GRM7: variants seen among roughly 807,000 people sequenced by gnomAD.
GRM7 encodes the protein metabotropic glutamate receptor 7.
In GRM7, 35 loss-of-function variants were observed where a neutral mutation model predicts 84.5. The ratio of observed to expected loss-of-function variants is 0.41; its 90% confidence interval spans 0.32 to 0.55. The LOEUF is 0.55. Ranked by LOEUF, GRM7 falls within the 20% of genes least tolerant of loss-of-function variation. The probability of loss-of-function intolerance (pLI) is 0.19; values close to 1 mark genes in which losing one functional copy is unlikely to be tolerated. For synonymous variants in GRM7, 487 were observed against 455.1 expected, an observed-to-expected ratio of 1.07 and a Z score of -0.89; for missense variants, 1,003 against 1,194.6, an observed-to-expected ratio of 0.84 and a Z score of 2.36.
At chr3:7,457,436 C>T (rs766569226) in intron 6 of GRM7, among the ~76,000 whole-genome samples, 5 of 152,086 alleles carry the variant, frequency 3.3e-5, no homozygotes, top group Non-Finnish European at 5.9e-5. Flanking sequence ...GTTGGCCCAT[C>T]AAATATAAAT....
At chr3:7,678,599 C>T (rs898237569) in intron 8 of GRM7, among the ~76,000 whole-genome samples, 11 of 152,310 alleles carry the variant, frequency 7.2e-5, no homozygotes, top group Admixed American at 1.3e-4. Context: ...AACTAATTTA[C>T]ACTTTAAAGA....
chr3:7,450,474 C>T (rs1697720266), intron 5 of GRM7, among the ~76,000 whole-genome samples: 1 of 152,120 alleles, frequency 6.6e-6, no homozygotes, highest in African/African-American at 2.4e-5. Flanking sequence ...AAAACACATA[C>T]AGGCATATGC....
chr3:7,182,391 A>T (rs907574200), intron 2 of GRM7, among the ~76,000 whole-genome samples: 1 of 152,140 alleles, frequency 6.6e-6, no homozygotes, highest in Non-Finnish European at 1.5e-5. Flanking sequence ...TATCTTATGG[A>T]TATTTTTAAA....
intron 1 of GRM7, among the ~76,000 whole-genome samples, chr3:7,036,984 G>A (rs181820207): frequency 1.3e-5 from 2 of 152,086 alleles, no homozygotes; most frequent in South Asian, 2.1e-4. Context: ...ATGGATCAGC[G>A]GTCTGCCTTG....
intron 2 of GRM7, among the ~76,000 whole-genome samples, chr3:7,265,221 G>T (rs541130460): frequency 6.6e-6 from 1 of 152,144 alleles, no homozygotes. Context: ...GACATATTTG[G>T]AATGGAAACC....
chr3:7,017,711 G>C (rs1695625826), intron 1 of GRM7, among the ~76,000 whole-genome samples: 1 of 152,118 alleles, frequency 6.6e-6, no homozygotes, highest in Admixed American at 6.5e-5. Flanking sequence ...ATGGTACGCA[G>C]TGAAGCCCCA....
chr3:6,897,573 G>C (rs1346031380), intron 1 of GRM7, among the ~76,000 whole-genome samples: 1 of 152,160 alleles, frequency 6.6e-6, no homozygotes, highest in African/African-American at 2.4e-5. Context: ...CATTAGATTA[G>C]TGCATTCAGG....
intron 1 of GRM7, among the ~76,000 whole-genome samples, chr3:7,124,081 G>T (rs1413413312): frequency 6.6e-6 from 1 of 151,862 alleles, no homozygotes; most frequent in Non-Finnish European, 1.5e-5. Flanking sequence ...CTTAGACTTT[G>T]GTGTGATCCA....
chr3:7,652,133 A>AATAGT (rs1387265114), intron 8 of GRM7, among the ~76,000 whole-genome samples: 1 of 152,218 alleles, frequency 6.6e-6, no homozygotes, highest in Non-Finnish European at 1.5e-5. Context: ...GCTTGTTCTG[A>AATAGT]ATAGTATACA....
At chr3:7,691,235 C>A in intron 9 of GRM7, 1 of 1,282,398 alleles carries the variant, frequency 7.8e-7, no homozygotes, top group Non-Finnish European at 1.0e-6. Context: ...TCAGCTTGCA[C>A]AAAGAGGATT....
chr3:7,523,790 T>C (rs1341479369), intron 7 of GRM7, among the ~76,000 whole-genome samples: 1 of 151,938 alleles, frequency 6.6e-6, no homozygotes, highest in Non-Finnish European at 1.5e-5. Flanking sequence ...CGGGATATAG[T>C]GGGGATTAAG....
At chr3:7,461,367 A>G (rs1698238756) in intron 6 of GRM7, among the ~76,000 whole-genome samples, 1 of 152,176 alleles carries the variant, frequency 6.6e-6, no homozygotes, top group African/African-American at 2.4e-5. Context: ...ACTATTCAAA[A>G]GGGGAAGTAG....
At chr3:7,293,368 T>C (rs2125013846) in intron 2 of GRM7, among the ~76,000 whole-genome samples, 1 of 152,302 alleles carries the variant, frequency 6.6e-6, no homozygotes, top group Non-Finnish European at 1.5e-5. Flanking sequence ...GATTGATTTC[T>C]GGGACTCTGA....
chr3:7,308,112 C>T (rs1700258929), intron 4 of GRM7, among the ~76,000 whole-genome samples: 1 of 152,200 alleles, frequency 6.6e-6, no homozygotes, highest in Admixed American at 6.5e-5. Flanking sequence ...CATTCTGCAG[C>T]ACTGTCCTGC....
At chr3:6,902,048 C>G (rs897368597) in intron 1 of GRM7, among the ~76,000 whole-genome samples, 1 of 151,938 alleles carries the variant, frequency 6.6e-6, no homozygotes, top group Non-Finnish European at 1.5e-5. Flanking sequence ...GAGAAAAAAA[C>G]CTAATTTTTA....
intron 2 of GRM7, among the ~76,000 whole-genome samples, chr3:7,152,833 C>T (rs986845782): frequency 2.0e-5 from 3 of 152,174 alleles, no homozygotes; most frequent in East Asian, 1.9e-4. Context: ...GCTTTTGCAT[C>T]GCTGTAGAGC....
rs557878645 is a variant in GRM7, at chr3:6,958,386, C to T, written c.519+96479C>T. On this transcript the variant is annotated intron_variant, in intron 1 of 9. Coordinates refer to ENST00000357716, the MANE Select transcript of GRM7 (RefSeq NM_000844.4). Reference sequence around the variant, plus strand: ...TACTTTTTTGTTGCTGAATAGTAATCTTCTGTGAGGGTGTACTACAATTTA... The same window carrying T: ...TACTTTTTTGTTGCTGAATAGTAATTTTCTGTGAGGGTGTACTACAATTTA... 1.4e-4 allele frequency among the ~76,000 whole-genome samples: 21 copies of T among 152,148 alleles called. No individual in the cohort carries two copies. The South Asian group carries it at 4.1e-3, about 30-fold the overall frequency.
intron 9 of GRM7, among the ~76,000 whole-genome samples, chr3:7,731,062 G>C (rs931247764): frequency 6.8e-6 from 1 of 147,980 alleles, no homozygotes; most frequent in Admixed American, 6.7e-5. Flanking sequence ...ACATCTTAAA[G>C]TACAAATTAG....
intron 4 of GRM7, among the ~76,000 whole-genome samples, chr3:7,332,919 C>A: frequency 6.6e-6 from 1 of 152,174 alleles, no homozygotes; most frequent in Non-Finnish European, 1.5e-5. Flanking sequence ...CTTTTGGGAG[C>A]TCTATGGCTC....
Sources: allele counts gnomAD v4.1 joint callset (sites outside exome capture counted in the v4.1 genomes callset), GRCh38; gene constraint gnomAD v4.1.1; transcripts MANE v1.5; gene names NCBI Gene and HGNC (gene_info 2026-07-23, HGNC 2026-07-21).